The following SEL1L variants were observed in gnomAD, a reference collection of about 807,000 sequenced individuals.
SEL1L encodes the protein protein sel-1 homolog 1.
In SEL1L, 52 loss-of-function variants were observed where a neutral mutation model predicts 109.8. The ratio of observed to expected loss-of-function variants is 0.47; its 90% CI spans 0.38 to 0.60. The LOEUF is 0.60. Ranked by LOEUF, SEL1L falls within the 20% of genes least tolerant of loss-of-function variation. The pLI, the probability that SEL1L is intolerant of heterozygous loss-of-function variation, is 0.00. For missense variants in SEL1L, 749 were observed against 962.2 expected, an observed-to-expected ratio of 0.78 and a Z score of 2.93; for synonymous variants, 373 against 339.6, an observed-to-expected ratio of 1.10 and a Z score of -1.08.
At chr14:81,482,142 T>A (rs1369811921) in intron 19 of SEL1L, among the ~76,000 whole-genome samples, 1 of 152,184 alleles carries the variant, frequency 6.6e-6, no homozygotes, top group Non-Finnish European at 1.5e-5. Context: ...CCCCTACTCT[T>A]ATCAAAGGAG....
Position 81,533,728 on chromosome 14 carries a change from C to G in SEL1L, c.17G>C (p.Gly6Ala). Residue 6 changes from glycine to alanine, a missense_variant, in exon 1 of 21, where the codon GGG (glycine) becomes GCG (alanine). Coordinates refer to ENST00000336735, the MANE Select transcript of SEL1L (RefSeq NM_005065.6). MRVRI[G>A]LTLLLCAVLL... The stretch of plus-strand genomic sequence containing the variant: ...CACCGCACACAGCAGCAGCGTCAGC[C>G]CTATCCGGACCCGCATCCTCCTCTC... 3.1e-6 allele frequency: 5 copies of G among 1,613,560 alleles called. No homozygotes were observed. The highest frequency in any genetic ancestry group is 4.2e-6 in the Non-Finnish European group (5 of 1,179,846).
At chr14:81,513,171 T>TGTAAAATGGACCAATCAGCGCTCC (rs1301590620) in intron 3 of SEL1L, among the ~76,000 whole-genome samples, 30 of 152,342 alleles carry the variant, frequency 2.0e-4, no homozygotes, top group African/African-American at 7.2e-4. Flanking sequence ...ATCAGCTCTC[T>TGTAAAATGGACCAATCAGCGCTCC]GTAAAATGGA....
rs1027593757 is a variant in SEL1L, at chr14:81,480,284, G to A, written c.2047-544C>T. On this transcript the variant is annotated intron_variant, in intron 19 of 20. Transcript: ENST00000336735. The stretch of plus-strand genomic sequence containing the variant: ...GCTCACTGCAGGCTCCGCCCCCCAG[G>A]GTTCACGCCATTCTCCTGCCTCAGC... Among the ~76,000 whole-genome samples the A allele has an allele frequency of 2.0e-5, 3 of 152,062 alleles. No homozygotes were observed. The South Asian group carries it at 6.2e-4, about 32-fold the overall frequency.
chr14:81,532,776 C>G (rs1277011857), intron 1 of SEL1L, among the ~76,000 whole-genome samples: 5 of 152,026 alleles, frequency 3.3e-5, no homozygotes, highest in Middle Eastern at 3.2e-3. Context: ...TCCGTGTTGT[C>G]CCCCCAAAAC....
intron 5 of SEL1L, 34 bp downstream of exon 5, chr14:81,504,167 A>G (rs770689169): frequency 7.4e-7 from 1 of 1,351,190 alleles, no homozygotes; most frequent in Non-Finnish European, 1.0e-6. Context: ...ATGGCCTGTC[A>G]TGGGGGAAAA....
Position 81,524,081 on chromosome 14 carries a change from T to C in SEL1L, c.340+2652A>G, listed in dbSNP as rs189229760. Among the ~76,000 whole-genome samples the C allele has an allele frequency of 2.2e-3, 330 of 152,268 alleles. 2 individuals are homozygous for C. In the Middle Eastern group the frequency reaches 0.037, roughly 17 times the overall value. ...TGGATGAGACTATATTTCAGGGTAA[T>C]CAAAGACTTGATGAGAGAAAATTCT... On this transcript the variant is annotated intron_variant, in intron 3 of 20. Coordinates refer to ENST00000336735, the MANE Select transcript of SEL1L (RefSeq NM_005065.6).
At position 81,517,245 on chromosome 14, in the gene SEL1L, T is replaced by C. The variant is rs1021919524; in HGVS notation, c.340+9488A>G. ...GGAAAGCTGGCTTGCTGGATGCCCCTGACTGCTTTTAGTCCTGCTGGCTAA... is the reference window on the plus strand; with the variant it reads ...GGAAAGCTGGCTTGCTGGATGCCCCCGACTGCTTTTAGTCCTGCTGGCTAA... On this transcript the variant is annotated intron_variant, in intron 3 of 20. Coordinates refer to ENST00000336735, the MANE Select transcript of SEL1L (RefSeq NM_005065.6). 5.3e-5 allele frequency among the ~76,000 whole-genome samples: 8 copies of C among 152,316 alleles called. No individual in the cohort carries two copies. In the East Asian group the frequency reaches 9.6e-4, roughly 18 times the overall value.
chr14:81,482,217 CAAATT>C (rs1371689117), intron 19 of SEL1L, among the ~76,000 whole-genome samples: 1 of 152,018 alleles, frequency 6.6e-6, no homozygotes, highest in African/African-American at 2.4e-5. Context: ...CAGTGTATTA[CAAATT>C]AAATTAGAAC....
chr14:81,496,050 GCGGTGCCTCA>G (rs1283460396), intron 10 of SEL1L, among the ~76,000 whole-genome samples: 3 of 152,136 alleles, frequency 2.0e-5, no homozygotes, highest in Admixed American at 6.5e-5. Flanking sequence ...TGGGCCGGGC[GCGGTGCCTCA>G]CGCCTGTAAT....
intron 3 of SEL1L, among the ~76,000 whole-genome samples, chr14:81,523,456 T>C (rs1885001894): frequency 6.6e-6 from 1 of 152,160 alleles, no homozygotes; most frequent in Non-Finnish European, 1.5e-5. Flanking sequence ...TACCTTGCCC[T>C]ACACCTCTCT....
intron 7 of SEL1L, 26 bp from the exon 8 acceptor site, chr14:81,499,544 C>T: frequency 6.2e-7 from 1 of 1,608,686 alleles, no homozygotes. Context: ...ACATGTTTAA[C>T]TGAACATAGG....
At chr14:81,485,631 G>T (rs1019378499) in intron 18 of SEL1L, 41 bp downstream of exon 18, 27 of 1,499,984 alleles carry the variant, frequency 1.8e-5, no homozygotes, top group African/African-American at 5.5e-5. Context: ...AACATAGGGA[G>T]GTCCCTGGGT....
At chr14:81,500,441 T>C (rs1243633660) in intron 6 of SEL1L, among the ~76,000 whole-genome samples, 6 of 151,974 alleles carry the variant, frequency 3.9e-5, no homozygotes, top group Admixed American at 6.6e-5. Flanking sequence ...TTTCACCATG[T>C]TGGCCAGGCT....
At chr14:81,479,512 G>T in intron 20 of SEL1L, 100 bp downstream of exon 20, 1 of 1,250,936 alleles carries the variant, frequency 8.0e-7, no homozygotes, top group Non-Finnish European at 1.1e-6. Flanking sequence ...GATACCTGCA[G>T]GACCACTCTT....
chr14:81,507,213 T>C (rs1169588230), intron 3 of SEL1L, among the ~76,000 whole-genome samples: 1 of 152,184 alleles, frequency 6.6e-6, no homozygotes, highest in Non-Finnish European at 1.5e-5. Context: ...GGAAACTCAC[T>C]GAAAAGTTTT....
chr14:81,507,778 CTG>C (rs1884301859), intron 3 of SEL1L, among the ~76,000 whole-genome samples: 1 of 152,046 alleles, frequency 6.6e-6, no homozygotes, highest in Non-Finnish European at 1.5e-5. Context: ...AAGCCTAAAA[CTG>C]TACACAGTAG....
chr14:81,527,714 G>A lies in SEL1L; in HGVS notation c.95C>T (p.Ser32Phe). ...SSDEEGSQDE[S>F]LDSKTTLTSD... ...TTTAGTACATACCTTGGAATCTAAG[G>A]ATTCATCCTGGCTGCCTTCTTCATC... The change falls in exon 2 of 21, where the codon TCC (serine) becomes TTC (phenylalanine). Residue 32 changes from serine to phenylalanine, a missense_variant. Around this residue, in one of 2 missense-constraint regions of SEL1L, gnomAD observed 366 missense variants for 399.8 expected, o/e 0.92. Transcript: ENST00000336735. 1 of 1,602,652 alleles carries A rather than the reference G, an allele frequency of 6.2e-7. No individual in the cohort carries two copies. Among genetic ancestry groups the A allele is most frequent in the Non-Finnish European group, 8.5e-7 (1 of 1,174,664 alleles).
At chr14:81,488,142 A>C (rs7147506) in intron 14 of SEL1L, among the ~76,000 whole-genome samples, 200 bp from the exon 15 acceptor site, 4,944 of 152,304 alleles carry the variant, frequency 0.032, 276 homozygotes, top group African/African-American at 0.11. Flanking sequence ...TGGTGAAGAA[A>C]AGTAAATAGA....
rs183299797 is a variant in SEL1L, at chr14:81,476,912, A to T, written c.*60T>A. The T allele has an allele frequency of 6.4e-7, 1 of 1,556,288 alleles. No individual in the cohort carries two copies. Among genetic ancestry groups the T allele is most frequent in the African/African-American group, 1.4e-5 (1 of 73,876 alleles). ...TGATCCAAGGTCCTAAATCAAATGCAAGTGTTCCCAGCAGATAACTTCCTT... is the reference window on the plus strand; with the variant it reads ...TGATCCAAGGTCCTAAATCAAATGCTAGTGTTCCCAGCAGATAACTTCCTT... On this transcript the variant is annotated 3_prime_UTR_variant, in exon 21 of 21. Coordinates refer to ENST00000336735, the MANE Select transcript of SEL1L (RefSeq NM_005065.6).
Sources: gnomAD v4.1 joint callset for allele counts (sites outside exome capture counted in the v4.1 genomes callset) on GRCh38, gnomAD v4.1.1 for gene constraint, gnomAD v4.1.1 regional missense constraint, MANE v1.5 for transcripts, NCBI Gene and HGNC (gene_info 2026-07-23, HGNC 2026-07-21) for gene names.